The following PRDM16 variants were observed in gnomAD, a reference collection of about 807,000 sequenced individuals.
The protein encoded by PRDM16 is PR/SET domain 16.
In PRDM16, 23 loss-of-function variants were observed where a neutral mutation model predicts 110.6. The ratio of observed to expected loss-of-function variants is 0.21; its 90% CI spans 0.15 to 0.29. The LOEUF is 0.29. Ranked by LOEUF, PRDM16 falls within the 10% of genes least tolerant of loss-of-function variation. The pLI is 1.00. For synonymous variants in PRDM16, 799 were observed against 781.8 expected (o/e 1.02, Z -0.37); for missense variants, 1,615 against 1,794.3 (o/e 0.90, Z 1.81).
chr1:3,232,928 T>A (rs1481491497), intron 2 of PRDM16, among the ~76,000 whole-genome samples: 1 of 152,188 alleles, frequency 6.6e-6, no homozygotes, highest in African/African-American at 2.4e-5. Context: ...CTTATTCACT[T>A]ATGATTATTA....
intron 3 of PRDM16, among the ~76,000 whole-genome samples, chr1:3,273,647 T>C (rs1229723504): frequency 6.6e-6 from 1 of 151,816 alleles, no homozygotes; most frequent in African/African-American, 2.4e-5. Context: ...TGTGTGTGTA[T>C]GGCCTGCATC....
intron 3 of PRDM16, among the ~76,000 whole-genome samples, chr1:3,266,584 C>T (rs1174122381): frequency 6.6e-6 from 1 of 152,230 alleles, no homozygotes; most frequent in Non-Finnish European, 1.5e-5. Flanking sequence ...GGATCTCAGA[C>T]CCGCTTGTCT....
chr1:3,432,286 C>T (rs1390560541), intron 16 of PRDM16, 146 bp downstream of exon 16: 3 of 633,128 alleles, frequency 4.7e-6, no homozygotes, highest in Non-Finnish European at 8.2e-6. Context: ...CCAGAGAGGC[C>T]CCAGCGACCA....
At chr1:3,174,397 C>G (rs764132158) in intron 1 of PRDM16, among the ~76,000 whole-genome samples, 4 of 152,176 alleles carry the variant, frequency 2.6e-5, no homozygotes, top group Admixed American at 6.5e-5. Context: ...GGGGTGACAT[C>G]ATTCAACTGG....
intron 1 of PRDM16, among the ~76,000 whole-genome samples, chr1:3,161,788 C>T (rs1401071789): frequency 6.6e-6 from 1 of 152,230 alleles, no homozygotes; most frequent in Non-Finnish European, 1.5e-5. Context: ...AGGCCCATGC[C>T]AGCGGCGTCC....
chr1:3,425,843 C>T lies in PRDM16; in HGVS notation c.3109+93C>T, dbSNP rs1286745790. The stretch of plus-strand genomic sequence containing the variant: ...GAACAGCAGGGGAGTGGGCGCCGGG[C>T]AGGGAAGAGGGCCACAGACTACCCC... On this transcript the variant is annotated intron_variant, in intron 13 of 16. Transcript: ENST00000270722. This position sits in a 1 kb window ranked among gnomAD's most constrained non-coding sequence, Gnocchi z 6.9. The T allele has an allele frequency of 2.7e-6, 4 of 1,494,196 alleles. No individual in the cohort carries two copies. The African/African-American group carries it at 5.5e-5, about 21-fold the overall frequency. 92.6% of individuals were successfully genotyped at this position (1,494,196 alleles called of 1,614,324 possible).
intron 16 of PRDM16, among the ~76,000 whole-genome samples, chr1:3,433,007 C>T (rs1206842717): frequency 2.0e-5 from 3 of 152,250 alleles, no homozygotes; most frequent in African/African-American, 7.2e-5. Flanking sequence ...TCCCCACGGT[C>T]ACCAAAACAG....
rs1642885116 is a variant in PRDM16, at chr1:3,370,366, G to A, written c.439-14786G>A. Among the ~76,000 whole-genome samples the A allele has an allele frequency of 6.6e-6, 1 of 152,186 alleles. No homozygotes were observed. The highest frequency in any genetic ancestry group is 1.9e-4 in the East Asian group (1 of 5,194). On this transcript the variant is annotated intron_variant, in intron 3 of 16. Transcript: ENST00000270722. This position sits in a 1 kb window ranked among gnomAD's most constrained non-coding sequence, Gnocchi z 4.8. ...AAGAAGGGAAAGGATTTGAAATGGA[G>A]GGATGAAGACAGACCCCTGGGAAAC... is the stretch of plus-strand genomic sequence containing the variant.
At chr1:3,230,033 A>G (rs1435884722) in intron 2 of PRDM16, among the ~76,000 whole-genome samples, 1 of 152,218 alleles carries the variant, frequency 6.6e-6, no homozygotes, top group Non-Finnish European at 1.5e-5. Context: ...CTTCGGATGC[A>G]TGGCTGTGGC....
chr1:3,233,260 A>G (rs1302077491), intron 2 of PRDM16, among the ~76,000 whole-genome samples: 1 of 152,078 alleles, frequency 6.6e-6, no homozygotes, highest in African/African-American at 2.4e-5. Context: ...GGTGTGGAGG[A>G]GGGACCGTCA....
chr1:3,076,270 C>T (rs998689317), intron 1 of PRDM16, among the ~76,000 whole-genome samples: 10 of 152,186 alleles, frequency 6.6e-5, no homozygotes, highest in East Asian at 5.8e-4. Flanking sequence ...GCCCTGGCCA[C>T]GTCTGCACTG....
intron 3 of PRDM16, among the ~76,000 whole-genome samples, chr1:3,272,536 G>A (rs1394291316): frequency 6.6e-6 from 1 of 152,116 alleles, no homozygotes; most frequent in East Asian, 1.9e-4. Context: ...GGAAACACCC[G>A]CCTCCTGGGG....
intron 3 of PRDM16, among the ~76,000 whole-genome samples, chr1:3,347,560 G>C (rs1642386866): frequency 6.6e-6 from 1 of 152,256 alleles, no homozygotes; most frequent in African/African-American, 2.4e-5. Context: ...GTCAGGGGGT[G>C]GGGGTGGGGG....
At chr1:3,297,913 G>A (rs1266773968) in intron 3 of PRDM16, among the ~76,000 whole-genome samples, 2 of 150,222 alleles carry the variant, frequency 1.3e-5, no homozygotes, top group Admixed American at 6.6e-5. Context: ...CAGACTGCAT[G>A]GCAAGCTCCA....
At chr1:3,217,820 C>T (rs1273406424) in intron 2 of PRDM16, among the ~76,000 whole-genome samples, 1 of 152,234 alleles carries the variant, frequency 6.6e-6, no homozygotes, top group Non-Finnish European at 1.5e-5. Context: ...CGCTCTTCCC[C>T]CTAGAAGTAT....
chr1:3,324,521 A>T (rs1641841812), intron 3 of PRDM16, among the ~76,000 whole-genome samples: 2 of 152,110 alleles, frequency 1.3e-5, no homozygotes, highest in African/African-American at 4.8e-5. Context: ...ACCTGACATG[A>T]AGCCTCATTC....
chr1:3,182,463 C>T (rs945673632), intron 1 of PRDM16, among the ~76,000 whole-genome samples: 2 of 152,192 alleles, frequency 1.3e-5, no homozygotes, highest in Admixed American at 6.5e-5. Context: ...CCCCAAGACC[C>T]TGGCCATAGC....
Position 3,412,218 on chromosome 1 carries a change from T to A in PRDM16, c.2021T>A (p.Phe674Tyr), listed in dbSNP as rs1643702951. ...CCTGTCTTCTATTCCCAGCACTCAT[T>A]CTTCCCGCCACCCGACGAGCAGCTG... is the stretch of plus-strand genomic sequence containing the variant. The part of the protein sequence containing the change: ...EVPVFYSQHS[F>Y]FPPPDEQLLT... The change falls in exon 9 of 17, where the codon TTC (phenylalanine) becomes TAC (tyrosine). Residue 674 changes from phenylalanine (F) to tyrosine (Y), a missense_variant. By Grantham distance (22) the Phe-to-Tyr change is conservative. Coordinates refer to ENST00000270722, the MANE Select transcript of PRDM16 (RefSeq NM_022114.4). 6.2e-7 allele frequency: 1 copy of A among 1,607,080 alleles called. No homozygotes were observed. The highest frequency in any genetic ancestry group is 8.5e-7 in the Non-Finnish European group (1 of 1,175,338).
At chr1:3,135,148 C>T (rs977960749) in intron 1 of PRDM16, among the ~76,000 whole-genome samples, 2 of 152,218 alleles carry the variant, frequency 1.3e-5, no homozygotes, top group Non-Finnish European at 2.9e-5. Flanking sequence ...CAGGAAACAG[C>T]AAGGCAGCTC....
Sources: allele counts gnomAD v4.1 joint callset (sites outside exome capture counted in the v4.1 genomes callset), GRCh38; gene constraint gnomAD v4.1.1; non-coding constraint Gnocchi (gnomAD v3.1); transcripts MANE v1.5; gene names NCBI Gene and HGNC (gene_info 2026-07-23, HGNC 2026-07-21).